MBD5: variants seen among roughly 807,000 people sequenced by gnomAD.
The protein encoded by MBD5 is methyl-CpG binding domain protein 5.
In MBD5, 13 loss-of-function variants were observed where a neutral mutation model predicts 117.3. The ratio of observed to expected loss-of-function variants is 0.11; its 90% CI spans 0.07 to 0.18. MBD5 has a LOEUF of 0.18. Among genes scored for constraint, MBD5 ranks in the 10% least tolerant of loss-of-function variants. The pLI is 1.00. For missense variants in MBD5, 1,879 were observed against 2,093.8 expected (o/e 0.90, Z 2.00); for synonymous variants, 727 against 766.4 (o/e 0.95, Z 0.85).
intron 1 of MBD5, among the ~76,000 whole-genome samples, chr2:148,087,947 A>G (rs1186483719): frequency 1.3e-5 from 2 of 152,200 alleles, no homozygotes; most frequent in Admixed American, 1.3e-4. Flanking sequence ...GGTGAAAACC[A>G]TCTGAAATAA....
intron 12 of MBD5, among the ~76,000 whole-genome samples, chr2:148,503,186 A>G (rs1681923479): frequency 1.3e-5 from 2 of 152,182 alleles, no homozygotes; most frequent in Admixed American, 6.5e-5. Context: ...GCTTCTCTAT[A>G]TGTACATAGC....
intron 8 of MBD5, chr2:148,481,662 A>G (rs906314205): frequency 2.0e-5 from 3 of 152,194 alleles, no homozygotes; most frequent in African/African-American, 7.2e-5. Flanking sequence ...TTCCTTTTCA[A>G]TAGATGTGGT....
chr2:148,248,425 C>T (rs1051471134), intron 3 of MBD5, among the ~76,000 whole-genome samples: 1 of 152,070 alleles, frequency 6.6e-6, no homozygotes, highest in Non-Finnish European at 1.5e-5. Flanking sequence ...TTAAGGTAGT[C>T]CCACGTAGCT....
chr2:148,274,210 G>A (rs912467393), intron 3 of MBD5, among the ~76,000 whole-genome samples: 2 of 151,620 alleles, frequency 1.3e-5, no homozygotes, highest in Non-Finnish European at 2.9e-5. Context: ...CCTCACCCCC[G>A]ACACCACCAC....
chr2:148,271,916 G>C (rs942360486), intron 3 of MBD5, among the ~76,000 whole-genome samples: 5 of 152,056 alleles, frequency 3.3e-5, no homozygotes, highest in Non-Finnish European at 7.4e-5. Context: ...CTGAAATTCT[G>C]TACCCATCGA....
chr2:148,434,010 A>G (rs905761566), intron 4 of MBD5, among the ~76,000 whole-genome samples: 3 of 151,310 alleles, frequency 2.0e-5, no homozygotes, highest in African/African-American at 4.9e-5. Flanking sequence ...CTGTGAATCC[A>G]TCTGGTCCTG....
chr2:148,237,766 C>T (rs980156101), intron 3 of MBD5, among the ~76,000 whole-genome samples: 2 of 152,082 alleles, frequency 1.3e-5, no homozygotes, highest in African/African-American at 4.8e-5. Flanking sequence ...CTTCAATTTG[C>T]CAAGTACAAT....
intron 1 of MBD5, among the ~76,000 whole-genome samples, chr2:148,064,218 C>T (rs886478312): frequency 3.3e-5 from 5 of 150,996 alleles, no homozygotes; most frequent in Non-Finnish European, 7.4e-5. Flanking sequence ...CTCCGCCTCC[C>T]GGGTTCACGC....
At chr2:148,331,610 T>C (rs1035675925) in intron 3 of MBD5, among the ~76,000 whole-genome samples, 5 of 152,142 alleles carry the variant, frequency 3.3e-5, no homozygotes, top group African/African-American at 7.2e-5. Flanking sequence ...AAAATCTTCA[T>C]GAAATTTAAA....
intron 2 of MBD5, among the ~76,000 whole-genome samples, chr2:148,216,737 G>A (rs1322135652): frequency 6.6e-6 from 1 of 152,132 alleles, no homozygotes; most frequent in Non-Finnish European, 1.5e-5. Context: ...CCTAGTGCTA[G>A]GTCTTCTGTC....
intron 3 of MBD5, among the ~76,000 whole-genome samples, chr2:148,236,253 T>A (rs13022005): frequency 0.3 from 45,672 of 152,060 alleles, 7,358 homozygotes; most frequent in South Asian, 0.43. Context: ...CTTGACAAAG[T>A]AAATTGGTTT....
intron 3 of MBD5, among the ~76,000 whole-genome samples, chr2:148,270,513 C>T (rs911292583): frequency 1.3e-5 from 2 of 151,786 alleles, no homozygotes; most frequent in South Asian, 2.1e-4. Context: ...CTCAGCCTCC[C>T]GAATAACTGG....
chr2:148,427,129 A>G (rs938411011), intron 4 of MBD5, among the ~76,000 whole-genome samples: 11 of 152,126 alleles, frequency 7.2e-5, no homozygotes, highest in Admixed American at 2.0e-4. Flanking sequence ...TTACAATGGC[A>G]ATCATTAAAA....
At chr2:148,421,394 C>A (rs762990151) in intron 4 of MBD5, among the ~76,000 whole-genome samples, 15 of 152,210 alleles carry the variant, frequency 9.9e-5, no homozygotes, top group Non-Finnish European at 1.8e-4. Flanking sequence ...GACTTCTGGC[C>A]CAGATATTGC....
At chr2:148,295,045 T>C (rs1400922838) in intron 3 of MBD5, among the ~76,000 whole-genome samples, 1 of 152,226 alleles carries the variant, frequency 6.6e-6, no homozygotes, top group East Asian at 1.9e-4. Flanking sequence ...TTCATCCTAC[T>C]TGGAATTTGT....
chr2:148,081,666 C>G (rs949170100), intron 1 of MBD5, among the ~76,000 whole-genome samples: 1 of 152,106 alleles, frequency 6.6e-6, no homozygotes. Flanking sequence ...AAGTTCTGGT[C>G]TCCTTTTTTT....
At chr2:148,326,350 G>A (rs990387848) in intron 3 of MBD5, among the ~76,000 whole-genome samples, 33 of 152,240 alleles carry the variant, frequency 2.2e-4, no homozygotes, top group Non-Finnish European at 4.3e-4. Flanking sequence ...TGTCTATTAG[G>A]TCCGCTTGGT....
At chr2:148,298,696 A>T (rs4972350) in intron 3 of MBD5, among the ~76,000 whole-genome samples, 143,407 of 152,286 alleles carry the variant, frequency 0.94, 68,069 homozygotes, top group East Asian at 1. Context: ...TATGATTTAT[A>T]ATTTATCAAT....
At chr2:148,341,034 G>A (rs1451001565) in intron 3 of MBD5, among the ~76,000 whole-genome samples, 3 of 152,012 alleles carry the variant, frequency 2.0e-5, no homozygotes, top group South Asian at 2.1e-4. Flanking sequence ...CAAGTGAGTG[G>A]TAATATTTCC....
Sources: allele counts gnomAD v4.1 joint callset (sites outside exome capture counted in the v4.1 genomes callset), GRCh38; gene constraint gnomAD v4.1.1; transcripts MANE v1.5; gene names NCBI Gene and HGNC (gene_info 2026-07-23, HGNC 2026-07-21).